The following CDR2L variants were observed in gnomAD, a reference collection of about 807,000 sequenced individuals.
CDR2L encodes cerebellar degeneration-related protein 2-like.
In CDR2L, 19 loss-of-function variants were observed where a neutral mutation model predicts 36.1. The observed-to-expected ratio is 0.53, with a 90% CI of 0.37 to 0.77. CDR2L has a LOEUF of 0.77. Among genes scored for constraint, CDR2L ranks in the 30% least tolerant of loss-of-function variants. The pLI is 0.00. For missense variants in CDR2L, 575 were observed against 627.2 expected (o/e 0.92, Z 0.89); for synonymous variants, 285 against 280.4 (o/e 1.02, Z -0.16).
chr17:74,999,741 T>G, intron 2 of CDR2L, 125 bp downstream of exon 2: 1 of 594,880 alleles, frequency 1.7e-6, no homozygotes, highest in South Asian at 2.0e-5. Flanking sequence ...CCTGGTACAG[T>G]TCACAACTGT....
chr17:74,990,276 T>A (rs1598650980), intron 1 of CDR2L, among the ~76,000 whole-genome samples: 1 of 152,058 alleles, frequency 6.6e-6, no homozygotes, highest in South Asian at 2.1e-4. Context: ...GCCCTGCTGG[T>A]CTGCAGCTGT....
rs748238099 is a variant in CDR2L at position 75,002,229 on chromosome 17, G to A, written c.506+1G>A. 6.2e-7 allele frequency: 1 copy of A among 1,605,840 alleles called. No homozygotes were observed. Among genetic ancestry groups the A allele is most frequent in the South Asian group, 1.1e-5 (1 of 89,266 alleles). On this transcript the variant is annotated splice_donor_variant, in intron 4 of 4. Coordinates refer to ENST00000337231, the MANE Select transcript of CDR2L (RefSeq NM_014603.3). LOFTEE classifies it high-confidence loss of function. This position sits in a 1 kb window ranked among gnomAD's most constrained non-coding sequence, Gnocchi z 4.1. ...TCAAGGAGCTGTGCACCAGCCCCCG[G>A]TAGGTGAGAGCACTGCTTGGTGTCT...
Position 74,987,908 on chromosome 17 carries a change from G to A in CDR2L, c.-136G>A. On this transcript the variant is annotated 5_prime_UTR_variant, in exon 1 of 5. Coordinates refer to ENST00000337231, the MANE Select transcript of CDR2L (RefSeq NM_014603.3). ...GGGCTCCCGGCGAGCGGTTGATGGCGAGGGGGCGCGGCGCGGGCTCTGTAG... is the reference window on the plus strand; with the variant it reads ...GGGCTCCCGGCGAGCGGTTGATGGCAAGGGGGCGCGGCGCGGGCTCTGTAG... 2.7e-6 allele frequency: 1 copy of A among 366,420 alleles called. No individual in the cohort carries two copies. The highest frequency in any genetic ancestry group is 1.4e-4 in the South Asian group (1 of 7,318). 22.7% of individuals were successfully genotyped at this position (366,420 alleles called of 1,614,324 possible).
rs186646323 is a variant in CDR2L at position 74,992,508 on chromosome 17, C to T, written c.79+4386C>T. 3.3e-5 allele frequency among the ~76,000 whole-genome samples: 5 copies of T among 152,126 alleles called. No individual in the cohort carries two copies. The East Asian group carries it at 9.7e-4, about 30-fold the overall frequency. ...TGTCTAGCCAGCTCCCCCATTCTCCCGTTCCCAGGCCTCTCTCCTCTGAGC... is the reference window on the plus strand; with the variant it reads ...TGTCTAGCCAGCTCCCCCATTCTCCTGTTCCCAGGCCTCTCTCCTCTGAGC... On this transcript the variant is annotated intron_variant, in intron 1 of 4. Transcript: ENST00000337231.
chr17:74,996,593 G>A (rs1033302957), intron 1 of CDR2L, among the ~76,000 whole-genome samples: 4 of 151,974 alleles, frequency 2.6e-5, no homozygotes, highest in African/African-American at 4.8e-5. Context: ...AGTACCTGCC[G>A]TTTCCTTCTA....
intron 3 of CDR2L, 45 bp downstream of exon 3, chr17:75,001,534 CAGGGCTGAGT>C: frequency 1.4e-6 from 2 of 1,468,414 alleles, no homozygotes; most frequent in Non-Finnish European, 1.8e-6. Context: ...GGGAGAGCCC[CAGGGCTGAGT>C]GTACACAGGG....
chr17:75,003,244 C>A lies in CDR2L; in HGVS notation c.568C>A (p.Gln190Lys). ...SLELGPRPLE[Q>K]ENERLQTLVG... is the part of the protein sequence containing the mutation. ...GGAGCTGGGCCCGCGGCCCCTGGAG[C>A]AGGAGAACGAGCGGCTGCAGACCCT... The change falls in exon 5 of 5, where the codon CAG becomes AAG. Residue 190 changes from glutamine to lysine, a missense_variant. Physicochemically the swap from Gln to Lys is moderately conservative, Grantham distance 53. Coordinates refer to ENST00000337231, the MANE Select transcript of CDR2L (RefSeq NM_014603.3). 1 of 1,563,630 alleles carries A rather than the reference C, an allele frequency of 6.4e-7. No homozygotes were observed. Among genetic ancestry groups the A allele is most frequent in the Non-Finnish European group, 8.7e-7 (1 of 1,155,010 alleles).
rs2144871167 is a variant in CDR2L at position 75,004,339 on chromosome 17, C to G, written c.*265C>G. 5.0e-6 allele frequency: 2 copies of G among 401,528 alleles called. No individual in the cohort carries two copies. 24.9% of individuals were successfully genotyped at this position (401,528 alleles called of 1,614,324 possible). On this transcript the variant is annotated 3_prime_UTR_variant, in exon 5 of 5. Coordinates refer to ENST00000337231, the MANE Select transcript of CDR2L (RefSeq NM_014603.3). ...ATGTCCCCACTACCCCAGGGATCCC[C>G]CAGCTCCCCCAGCCCCTGGCTTCCT...
intron 1 of CDR2L, among the ~76,000 whole-genome samples, chr17:74,998,266 G>A (rs897990007): frequency 5.3e-5 from 8 of 151,890 alleles, no homozygotes; most frequent in South Asian, 2.1e-4. Flanking sequence ...CCCAGCAACC[G>A]ATATTATAGT....
chr17:75,004,136 G>A lies in CDR2L; in HGVS notation c.*62G>A, dbSNP rs1457247721. 1.4e-6 allele frequency: 2 copies of A among 1,439,222 alleles called. No homozygotes were observed. Among genetic ancestry groups the A allele is most frequent in the East Asian group, 2.4e-5 (1 of 41,786 alleles). 89.2% of individuals were successfully genotyped at this position (1,439,222 alleles called of 1,614,324 possible). ...CCGTGGGGTCCCTCAGGCCTGGGCGGTGCAGCTTCCAGAGAGCGAGCGCCC... is the reference window on the plus strand; with the variant it reads ...CCGTGGGGTCCCTCAGGCCTGGGCGATGCAGCTTCCAGAGAGCGAGCGCCC... On this transcript the variant is annotated 3_prime_UTR_variant, in exon 5 of 5. Coordinates refer to ENST00000337231, the MANE Select transcript of CDR2L (RefSeq NM_014603.3).
At position 75,004,331 on chromosome 17, in the gene CDR2L, G is replaced by GGGATCCCCCAGCTCCCCC; in HGVS notation, c.*258_*275dup. 2.4e-6 allele frequency: 1 copy of GGGATCCCCCAGCTCCCCC among 415,130 alleles called. No individual in the cohort carries two copies. The allele number at this position is 415,130 out of a possible 1,614,324, so 25.7% of individuals were successfully genotyped here. On this transcript the variant is annotated 3_prime_UTR_variant, in exon 5 of 5. Coordinates refer to ENST00000337231, the MANE Select transcript of CDR2L (RefSeq NM_014603.3). ...AAAGCCAAATGTCCCCACTACCCCA[G>GGGATCCCCCAGCTCCCCC]GGATCCCCCAGCTCCCCCAGCCCCT...
rs2039774615 is a variant in CDR2L at position 74,988,083 on chromosome 17, G to A, written c.40G>A (p.Glu14Lys). 1 of 1,533,018 alleles carries A rather than the reference G, an allele frequency of 6.5e-7. No homozygotes were observed. The highest frequency in any genetic ancestry group is 1.9e-4 in the Middle Eastern group (1 of 5,346). The allele number at this position is 1,533,018 out of a possible 1,614,324, so 95.0% of individuals were successfully genotyped here. The part of the protein sequence containing the change: ...AAGMEDFSAE[E>K]EESWYDQQDL... Reference sequence around the variant, plus strand: ...CGGGATGGAGGACTTCTCCGCGGAGGAAGAGGAGTCCTGGTACGACCAGCA... The same window carrying A: ...CGGGATGGAGGACTTCTCCGCGGAGAAAGAGGAGTCCTGGTACGACCAGCA... The change falls in exon 1 of 5, where the codon GAA becomes AAA. Residue 14 changes from glutamate (E) to lysine (K), a missense_variant. Physicochemically the swap from Glu to Lys is moderately conservative, Grantham distance 56. Coordinates refer to ENST00000337231, the MANE Select transcript of CDR2L (RefSeq NM_014603.3).
rs767262753 is a variant in CDR2L at position 74,988,061 on chromosome 17, G to A, written c.18G>A (p.Gly6=). The part of the protein sequence containing the change: MRRAA[G]MEDFSAEEEE... ...GCGGGGCCATGCGGAGAGCCGCCGG[G>A]ATGGAGGACTTCTCCGCGGAGGAAG... Residue 6 remains glycine (G), a synonymous_variant, in exon 1 of 5, where the codon GGG becomes GGA. Coordinates refer to ENST00000337231, the MANE Select transcript of CDR2L (RefSeq NM_014603.3). 49 of 1,527,850 alleles carry A rather than the reference G, an allele frequency of 3.2e-5. No homozygotes were observed. Among genetic ancestry groups the A allele is most frequent in the Admixed American group, 4.1e-5 (2 of 48,286 alleles). 94.6% of individuals were successfully genotyped at this position (1,527,850 alleles called of 1,614,324 possible). A position where few individuals can be genotyped will look rare whatever the true frequency, so the allele number is the denominator to read the frequency against.
intron 1 of CDR2L, among the ~76,000 whole-genome samples, chr17:74,999,193 A>C (rs1386651029): frequency 6.6e-6 from 1 of 152,188 alleles, no homozygotes; most frequent in East Asian, 1.9e-4. Context: ...GATGCAGCTT[A>C]GAACCACACC....
chr17:74,991,444 A>G (rs946496260), intron 1 of CDR2L, among the ~76,000 whole-genome samples: 3 of 144,632 alleles, frequency 2.1e-5, no homozygotes, highest in African/African-American at 7.7e-5. Context: ...AGAGCCGGGC[A>G]CGGTGGCTCA....
At chr17:74,992,606 T>C (rs1393443659) in intron 1 of CDR2L, among the ~76,000 whole-genome samples, 1 of 152,224 alleles carries the variant, frequency 6.6e-6, no homozygotes, top group Non-Finnish European at 1.5e-5. Flanking sequence ...TTCCCTGCTC[T>C]GCAACTTCTA....
At chr17:74,992,121 C>G (rs796490712) in intron 1 of CDR2L, among the ~76,000 whole-genome samples, 5 of 152,222 alleles carry the variant, frequency 3.3e-5, no homozygotes, top group African/African-American at 1.2e-4. Flanking sequence ...TTTGTCCTCC[C>G]TGAAAATGTC....
intron 1 of CDR2L, among the ~76,000 whole-genome samples, chr17:74,992,637 T>C (rs1247169654): frequency 6.6e-6 from 1 of 152,224 alleles, no homozygotes; most frequent in Non-Finnish European, 1.5e-5. Context: ...TGATCCCTCC[T>C]GGCAGCTTTG....
At chr17:75,003,123 G>A (rs2039876866) in intron 4 of CDR2L, 60 bp from the exon 5 acceptor site, 6 of 1,522,596 alleles carry the variant, frequency 3.9e-6, no homozygotes. Flanking sequence ...CCTTGGCCGT[G>A]CCCGTGACCA....
Sources: allele counts gnomAD v4.1 joint callset (sites outside exome capture counted in the v4.1 genomes callset), GRCh38; gene constraint gnomAD v4.1.1; non-coding constraint Gnocchi (gnomAD v3.1); transcripts MANE v1.5; gene names NCBI Gene and HGNC (gene_info 2026-07-23, HGNC 2026-07-21).